Variants in PPP1R14A observed in about 807,000 individuals in gnomAD.
PPP1R14A encodes the protein protein phosphatase 1 regulatory inhibitor subunit 14A.
A neutral mutation model predicts 14.1 loss-of-function variants in PPP1R14A; 9 were observed. That is an observed-to-expected ratio of 0.64 (90% confidence interval 0.38 to 1.11). The LOEUF (loss-of-function observed/expected upper bound fraction) is 1.11, where lower values mean the gene tolerates loss of function less well. Among genes scored for constraint, PPP1R14A ranks in the 50% most tolerant of loss-of-function variants. The pLI is 0.01. For missense variants in PPP1R14A, 208 were observed against 200.7 expected (o/e 1.04, Z -0.22); for synonymous variants, 93 against 88.7 (o/e 1.05, Z -0.27).
intron 1 of PPP1R14A, among the ~76,000 whole-genome samples, chr19:38,254,556 T>C (rs1382395839): frequency 1.3e-5 from 2 of 151,758 alleles, no homozygotes; most frequent in Non-Finnish European, 2.9e-5. Context: ...CTGCCCACCT[T>C]GGCCTCCCAA....
At chr19:38,253,979 T>C (rs1249560173) in intron 1 of PPP1R14A, among the ~76,000 whole-genome samples, 1 of 152,172 alleles carries the variant, frequency 6.6e-6, no homozygotes, top group African/African-American at 2.4e-5. Flanking sequence ...CAGTCAGCTG[T>C]GGGGCCCACC....
Position 38,251,324 on chromosome 19 carries a change from G to T in PPP1R14A, c.438C>A (p.His146Gln), listed in dbSNP as rs778078888. 1.8e-5 allele frequency: 27 copies of T among 1,502,706 alleles called. No individual in the cohort carries two copies. Among genetic ancestry groups the T allele is most frequent in the Non-Finnish European group, 2.3e-5 (26 of 1,139,658 alleles). The allele number at this position is 1,502,706 out of a possible 1,614,324, so 93.1% of individuals were successfully genotyped here. A position where few individuals can be genotyped will look rare whatever the true frequency, so the allele number is the denominator to read the frequency against. Residue 146 changes from histidine (H) to glutamine (Q), a missense_variant, in exon 4 of 4, where the codon CAC (histidine) becomes CAA (glutamine). Coordinates refer to ENST00000301242, the MANE Select transcript of PPP1R14A (RefSeq NM_033256.3). ...SPLQDRARTA[H>Q]P ...CAGGGAGAGTGCAAGAGGGTCAGGG[G>T]TGAGCAGTCCGGGCCCGGTCCTGGA... is the stretch of plus-strand genomic sequence containing the variant.
chr19:38,251,497 T>C (rs1410675025), intron 3 of PPP1R14A, 51 bp from the exon 4 acceptor site: 1 of 1,494,468 alleles, frequency 6.7e-7, no homozygotes. Context: ...GGGGGCACCC[T>C]CTGCCCCTGT....
chr19:38,253,257 G>C (rs1289182068), intron 1 of PPP1R14A: 2 of 397,800 alleles, frequency 5.0e-6, no homozygotes, highest in Non-Finnish European at 9.2e-6. Flanking sequence ...CTTGGCTCTA[G>C]TTCCCACAGA....
chr19:38,256,146 C>T lies in PPP1R14A; in HGVS notation c.194G>A (p.Arg65His). Residue 65 changes from arginine (R) to histidine (H), a missense_variant, in exon 1 of 4, where the codon CGC becomes CAC. By Grantham distance (29) the Arg-to-His change is conservative. Transcript: ENST00000301242. This position sits in a 1 kb window ranked among gnomAD's most constrained non-coding sequence, Gnocchi z 5.7. ...WIDGRLEELY[R>H]GMEADMPDEI... is the part of the protein sequence containing the mutation. ...AGCCCTCCCCGGGCTCACCATGCCGCGGTACAGCTCCTCCAGGCGCCCGTC... is the reference window on the plus strand; with the variant it reads ...AGCCCTCCCCGGGCTCACCATGCCGTGGTACAGCTCCTCCAGGCGCCCGTC... 6.5e-7 allele frequency: 1 copy of T among 1,545,250 alleles called. No homozygotes were observed. Among genetic ancestry groups the T allele is most frequent in the East Asian group, 2.4e-5 (1 of 41,260 alleles).
In PPP1R14A at chr19:38,256,107, C is replaced by G; in HGVS notation, c.201+32G>C. ...TCTCCGCGCCCGGGCTCTATCTGTC[C>G]CCGACCACCCCCGAGCCCTCCCCGG... On this transcript the variant is annotated intron_variant, in intron 1 of 3. Coordinates refer to ENST00000301242, the MANE Select transcript of PPP1R14A (RefSeq NM_033256.3). The surrounding 1 kb of genome is among the most constrained non-coding windows in gnomAD (Gnocchi z 5.7). The G allele has an allele frequency of 6.6e-7, 1 of 1,523,588 alleles. No homozygotes were observed. Among genetic ancestry groups the G allele is most frequent in the Admixed American group, 2.0e-5 (1 of 50,036 alleles). The allele number at this position is 1,523,588 out of a possible 1,614,324, so 94.4% of individuals were successfully genotyped here.
chr19:38,251,933 G>A, intron 3 of PPP1R14A: 1 of 392,106 alleles, frequency 2.6e-6, no homozygotes, highest in Non-Finnish European at 4.6e-6. Context: ...TCAGCTTCAG[G>A]GCCTGGGAGG....
At position 38,251,335 on chromosome 19, in the gene PPP1R14A, G is replaced by A. The variant is rs777595525; in HGVS notation, c.427C>T (p.Arg143Trp). Residue 143 changes from arginine to tryptophan, a missense_variant, in exon 4 of 4, where the codon CGG (arginine) becomes TGG (tryptophan). By Grantham distance (101) the Arg-to-Trp change is moderately radical. Coordinates refer to ENST00000301242, the MANE Select transcript of PPP1R14A (RefSeq NM_033256.3). ...CAAGAGGGTCAGGGGTGAGCAGTCC[G>A]GGCCCGGTCCTGGAGGGGGCTGAGG... is the stretch of plus-strand genomic sequence containing the variant. ...GSLSPLQDRARTAHP is the reference protein window; with the variant it reads ...GSLSPLQDRAWTAHP 2.1e-5 allele frequency: 32 copies of A among 1,524,108 alleles called. No individual in the cohort carries two copies. Among genetic ancestry groups the A allele is most frequent in the Admixed American group, 1.5e-4 (6 of 39,820 alleles). 94.4% of individuals were successfully genotyped at this position (1,524,108 alleles called of 1,614,324 possible).
In PPP1R14A at chr19:38,256,067, C is replaced by A. The variant is rs1968244283; in HGVS notation, c.201+72G>T. On this transcript the variant is annotated intron_variant, in intron 1 of 3. Transcript: ENST00000301242. The surrounding 1 kb of genome is among the most constrained non-coding windows in gnomAD (Gnocchi z 5.7). ...TGCACCAGCGAGTGTGCACCGAGAC[C>A]CCAAGGGCGTGGGGTCTCCGCGCCC... 1.4e-6 allele frequency: 2 copies of A among 1,382,894 alleles called. No homozygotes were observed. The highest frequency in any genetic ancestry group is 2.2e-5 in the Admixed American group (1 of 44,812). 85.7% of individuals were successfully genotyped at this position (1,382,894 alleles called of 1,614,324 possible). A position where few individuals can be genotyped will look rare whatever the true frequency, so the allele number is the denominator to read the frequency against.
chr19:38,252,247 C>G lies in PPP1R14A; in HGVS notation c.315+59G>C, dbSNP rs967693995. On this transcript the variant is annotated intron_variant, in intron 3 of 3. Transcript: ENST00000301242. The surrounding 1 kb of genome is among the most constrained non-coding windows in gnomAD (Gnocchi z 4.1). ...AGACCCTTCTGCCAGCTTCTTCCCC[C>G]TCCCCCATCAGAGTACTTGGGGCCA... 1.3e-6 allele frequency: 2 copies of G among 1,554,776 alleles called. No individual in the cohort carries two copies. The highest frequency in any genetic ancestry group is 1.8e-6 in the Non-Finnish European group (2 of 1,134,666).
In PPP1R14A at chr19:38,252,173, G is replaced by A. The variant is rs887317558; in HGVS notation, c.315+133C>T. ...ACCCCTGGAGACCAGAAAGAGCTGC[G>A]GAGGGCAGGTTGGGGCCGGGGGTGG... is the stretch of plus-strand genomic sequence containing the variant. On this transcript the variant is annotated intron_variant, in intron 3 of 3. Coordinates refer to ENST00000301242, the MANE Select transcript of PPP1R14A (RefSeq NM_033256.3). This position sits in a 1 kb window ranked among gnomAD's most constrained non-coding sequence, Gnocchi z 4.1. The A allele has an allele frequency of 7.9e-5, 61 of 771,468 alleles. No individual in the cohort carries two copies. The highest frequency in any genetic ancestry group is 2.5e-4 in the South Asian group (16 of 64,256). The allele number at this position is 771,468 out of a possible 1,614,324, so 47.8% of individuals were successfully genotyped here. A position where few individuals can be genotyped will look rare whatever the true frequency, so the allele number is the denominator to read the frequency against.
chr19:38,256,277 G>T lies in PPP1R14A; in HGVS notation c.63C>A (p.Arg21=). The T allele has an allele frequency of 6.5e-7, 1 of 1,541,852 alleles. No homozygotes were observed. The highest frequency in any genetic ancestry group is 1.2e-5 in the South Asian group (1 of 84,332). Reference sequence around the variant, plus strand: ...GCCCCCCGGGACTGCCCCCTGGCCCGCGGGCCCGCGATGGAGACTGCAGCT... The same window carrying T: ...GCCCCCCGGGACTGCCCCCTGGCCCTCGGGCCCGCGATGGAGACTGCAGCT... ...LSKLQSPSRA[R]GPGGSPGGLQ... is the part of the protein sequence containing the mutation. Residue 21 remains arginine (R), a synonymous_variant, in exon 1 of 4, where the codon CGC becomes CGA. Coordinates refer to ENST00000301242, the MANE Select transcript of PPP1R14A (RefSeq NM_033256.3). This position sits in a 1 kb window ranked among gnomAD's most constrained non-coding sequence, Gnocchi z 5.7.
Position 38,251,359 on chromosome 19 carries a change from G to A in PPP1R14A, c.403C>T (p.Leu135Phe). 6.4e-7 allele frequency: 1 copy of A among 1,552,796 alleles called. No individual in the cohort carries two copies. The highest frequency in any genetic ancestry group is 8.6e-7 in the Non-Finnish European group (1 of 1,159,178). Residue 135 changes from leucine (L) to phenylalanine (F), a missense_variant, in exon 4 of 4, where the codon CTC becomes TTC. By Grantham distance (22) the Leu-to-Phe change is conservative. Coordinates refer to ENST00000301242, the MANE Select transcript of PPP1R14A (RefSeq NM_033256.3). ...RQPSPSHDGS[L>F]SPLQDRARTA... Reference sequence around the variant, plus strand: ...CGGGCCCGGTCCTGGAGGGGGCTGAGGCTGCCGTCGTGGGAGGGGCTTGGC... The same window carrying A: ...CGGGCCCGGTCCTGGAGGGGGCTGAAGCTGCCGTCGTGGGAGGGGCTTGGC...
chr19:38,252,153 T>C lies in PPP1R14A; in HGVS notation c.315+153A>G. On this transcript the variant is annotated intron_variant, in intron 3 of 3. Transcript: ENST00000301242. This position sits in a 1 kb window ranked among gnomAD's most constrained non-coding sequence, Gnocchi z 4.1. ...CAAGTAGGAGGACAAAAGACACCCC[T>C]GGAGACCAGAAAGAGCTGCGGAGGG... The C allele has an allele frequency of 1.5e-6, 1 of 667,966 alleles. No individual in the cohort carries two copies. The highest frequency in any genetic ancestry group is 2.5e-5 in the Admixed American group (1 of 40,726). The allele number at this position is 667,966 out of a possible 1,614,324, so 41.4% of individuals were successfully genotyped here. A position where few individuals can be genotyped will look rare whatever the true frequency, so the allele number is the denominator to read the frequency against.
At chr19:38,254,246 T>G (rs1375762664) in intron 1 of PPP1R14A, among the ~76,000 whole-genome samples, 1 of 151,954 alleles carries the variant, frequency 6.6e-6, no homozygotes, top group Non-Finnish European at 1.5e-5. Context: ...CAAGAGAGAA[T>G]TGCTTGAGCC....
chr19:38,252,246 C>A lies in PPP1R14A; in HGVS notation c.315+60G>T, dbSNP rs1197968109. 1 of 1,556,078 alleles carries A rather than the reference C, an allele frequency of 6.4e-7. No homozygotes were observed. Among genetic ancestry groups the A allele is most frequent in the Admixed American group, 1.8e-5 (1 of 56,858 alleles). ...GAGACCCTTCTGCCAGCTTCTTCCC[C>A]CTCCCCCATCAGAGTACTTGGGGCC... On this transcript the variant is annotated intron_variant, in intron 3 of 3. Transcript: ENST00000301242. The surrounding 1 kb of genome is among the most constrained non-coding windows in gnomAD (Gnocchi z 4.1).
In PPP1R14A at chr19:38,251,292, C is replaced by T. The variant is rs149556841; in HGVS notation, c.*26G>A. The T allele has an allele frequency of 1.1e-4, 159 of 1,435,262 alleles. No homozygotes were observed. In the East Asian group the frequency reaches 4.1e-3, roughly 37 times the overall value. The allele number at this position is 1,435,262 out of a possible 1,614,324, so 88.9% of individuals were successfully genotyped here. A position where few individuals can be genotyped will look rare whatever the true frequency, so the allele number is the denominator to read the frequency against. On this transcript the variant is annotated 3_prime_UTR_variant, in exon 4 of 4. Coordinates refer to ENST00000301242, the MANE Select transcript of PPP1R14A (RefSeq NM_033256.3). The stretch of plus-strand genomic sequence containing the variant: ...ATACACAAGCAAGCTGGGCGGCGTC[C>T]GGGGGGCAGGGAGAGTGCAAGAGGG...
intron 1 of PPP1R14A, among the ~76,000 whole-genome samples, chr19:38,254,306 T>C (rs1017219690): frequency 2.0e-5 from 3 of 151,038 alleles, no homozygotes; most frequent in African/African-American, 7.3e-5. Context: ...CATCTCTTTT[T>C]CTTTTTTCTT....
rs907163437 is a variant in PPP1R14A at position 38,252,119 on chromosome 19, GGAGA to G, written c.315+183_315+186del. 1 of 618,306 alleles carries G rather than the reference GGAGA, an allele frequency of 1.6e-6. No individual in the cohort carries two copies. Among genetic ancestry groups the G allele is most frequent in the African/African-American group, 1.8e-5 (1 of 54,070 alleles). The allele number at this position is 618,306 out of a possible 1,614,324, so 38.3% of individuals were successfully genotyped here. On this transcript the variant is annotated intron_variant, in intron 3 of 3. Transcript: ENST00000301242. This position sits in a 1 kb window ranked among gnomAD's most constrained non-coding sequence, Gnocchi z 4.1. The stretch of plus-strand genomic sequence containing the variant: ...CCCCCTCAGCAGATGGGGGAGAGAG[GGAGA>G]GAGACAAGTAGGAGGACAAAAGACA...
Sources: allele counts gnomAD v4.1 joint callset (sites outside exome capture counted in the v4.1 genomes callset), GRCh38; gene constraint gnomAD v4.1.1; non-coding constraint Gnocchi (gnomAD v3.1); transcripts MANE v1.5; gene names NCBI Gene and HGNC (gene_info 2026-07-23, HGNC 2026-07-21).